The following HNRNPA2B1 variants were observed in gnomAD, a reference collection of about 807,000 sequenced individuals.
HNRNPA2B1 encodes heterogeneous nuclear ribonucleoprotein A2/B1.
In HNRNPA2B1, 3 loss-of-function variants were observed where a neutral mutation model predicts 46.3. That is an observed-to-expected ratio of 0.06 (90% CI 0.03 to 0.17). The LOEUF (loss-of-function observed/expected upper bound fraction) is 0.17, where lower values mean the gene tolerates loss of function less well. HNRNPA2B1 is among the 10% of genes least tolerant of loss of function. The pLI is 1.00. For missense variants in HNRNPA2B1, 221 were observed against 418.9 expected (o/e 0.53, Z 4.12); for synonymous variants, 225 against 133.8 (o/e 1.68, Z -4.70).
At chr7:26,192,721 C>A in intron 9 of HNRNPA2B1, 144 bp from the exon 10 acceptor site, 1 of 696,766 alleles carries the variant, frequency 1.4e-6, no homozygotes, top group Non-Finnish European at 2.5e-6. Flanking sequence ...AGCAGAATTA[C>A]TCAGGAGATA....
intron 6 of HNRNPA2B1, 105 bp downstream of exon 6, chr7:26,196,296 G>A (rs910968755): frequency 4.1e-5 from 38 of 926,014 alleles, no homozygotes; most frequent in Non-Finnish European, 4.9e-5. Flanking sequence ...TGAAGTCTTA[G>A]GAAAATTGAC....
chr7:26,192,473 G>T, intron 10 of HNRNPA2B1, 22 bp downstream of exon 10: 1 of 1,498,058 alleles, frequency 6.7e-7, no homozygotes. Context: ...AATAATAATT[G>T]TAAAACTCAA....
intron 7 of HNRNPA2B1, among the ~76,000 whole-genome samples, chr7:26,194,172 G>A (rs922977492): frequency 1.4e-4 from 22 of 152,098 alleles, no homozygotes; most frequent in Admixed American, 3.9e-4. Flanking sequence ...CGAGGCGGAC[G>A]GATCACGAGG....
chr7:26,197,072 T>A, intron 3 of HNRNPA2B1, 55 bp from the exon 4 acceptor site: 1 of 1,394,932 alleles, frequency 7.2e-7, no homozygotes, highest in Non-Finnish European at 1.0e-6. Context: ...CAAGCATAAT[T>A]CAAAGCACCC....
intron 1 of HNRNPA2B1, chr7:26,198,486 GAATT>G (rs1160851179): frequency 6.6e-6 from 1 of 152,258 alleles, no homozygotes; most frequent in East Asian, 1.9e-4. Flanking sequence ...TACAGAATAT[GAATT>G]ACTCAGCTTA....
chr7:26,200,617 G>A lies in HNRNPA2B1; in HGVS notation c.-40C>T, dbSNP rs1784326134. ...CTTCAGCCCGATTTCCCGCAGCCGA[G>A]CGAGATGAGAGAGATCTCCGCGGAC... On this transcript the variant is annotated 5_prime_UTR_variant, in exon 1 of 11. Coordinates refer to ENST00000618183, the MANE Select transcript of HNRNPA2B1 (RefSeq NM_002137.4). 1.2e-6 allele frequency: 2 copies of A among 1,613,374 alleles called. No homozygotes were observed. The highest frequency in any genetic ancestry group is 1.7e-6 in the Non-Finnish European group (2 of 1,179,924).
rs759333833 is a variant in HNRNPA2B1, at chr7:26,190,274, TTG to T, written c.*2084_*2085del. The T allele has an allele frequency of 8.5e-5, 13 of 152,668 alleles. No individual in the cohort carries two copies. The highest frequency in any genetic ancestry group is 1.8e-4 in the Non-Finnish European group (12 of 68,038). 9.5% of individuals were successfully genotyped at this position (152,668 alleles called of 1,614,324 possible). A position where few individuals can be genotyped will look rare whatever the true frequency, so the allele number is the denominator to read the frequency against. On this transcript the variant is annotated 3_prime_UTR_variant, in exon 11 of 11. Transcript: ENST00000618183. Reference sequence around the variant, plus strand: ...TTTACAAACAACACTCATTTTGTAATTGTTTTATATCAAGAACCTCAACTAAA... The same window carrying T: ...TTTACAAACAACACTCATTTTGTAATTTTTATATCAAGAACCTCAACTAAA...
At chr7:26,193,187 T>C (rs542827009) in intron 9 of HNRNPA2B1, 64 bp downstream of exon 9, 259 of 1,458,638 alleles carry the variant, frequency 1.8e-4, no homozygotes, top group Middle Eastern at 1.3e-3. Flanking sequence ...ATCTTCCCTT[T>C]AAGTCACAAA....
At chr7:26,198,504 A>C (rs192457448) in intron 1 of HNRNPA2B1, 1 of 152,240 alleles carries the variant, frequency 6.6e-6, no homozygotes. Flanking sequence ...CAGCTTAACC[A>C]TATGTACAAT....
At chr7:26,198,123 C>T (rs1783870881) in intron 1 of HNRNPA2B1, 1 of 340,782 alleles carries the variant, frequency 2.9e-6, no homozygotes, top group Non-Finnish European at 5.2e-6. Context: ...AACCCTACAA[C>T]CTAAAAACGC....
rs1782934551 is a variant in HNRNPA2B1, at chr7:26,191,708, C to T, written c.*652G>A. On this transcript the variant is annotated 3_prime_UTR_variant, in exon 11 of 11. Transcript: ENST00000618183. The stretch of plus-strand genomic sequence containing the variant: ...CTTAAGTTATCTACATAATTTAATC[C>T]TGATGAATTGCAGACAACACACTTA... 6.6e-6 allele frequency: 1 copy of T among 152,224 alleles called. No individual in the cohort carries two copies. The highest frequency in any genetic ancestry group is 1.5e-5 in the Non-Finnish European group (1 of 68,012). The allele number at this position is 152,224 out of a possible 1,614,324, so 9.4% of individuals were successfully genotyped here.
At position 26,192,249 on chromosome 7, in the gene HNRNPA2B1, A is replaced by T; in HGVS notation, c.*111T>A. 2 of 421,542 alleles carry T rather than the reference A, an allele frequency of 4.7e-6. No individual in the cohort carries two copies. Among genetic ancestry groups the T allele is most frequent in the Non-Finnish European group, 8.6e-6 (2 of 233,088 alleles). 26.1% of individuals were successfully genotyped at this position (421,542 alleles called of 1,614,324 possible). ...CACTGCATATTTATGCATGACTGAG[A>T]TAAGAGTTTCCTTAACATTGTTATT... On this transcript the variant is annotated 3_prime_UTR_variant, in exon 11 of 11. Transcript: ENST00000618183.
In HNRNPA2B1 at chr7:26,196,787, A is replaced by G. The variant is rs763375635; in HGVS notation, c.475+20T>C. 1.9e-6 allele frequency: 3 copies of G among 1,603,980 alleles called. No individual in the cohort carries two copies. Among genetic ancestry groups the G allele is most frequent in the Non-Finnish European group, 1.7e-6 (2 of 1,171,926 alleles). On this transcript the variant is annotated intron_variant, in intron 4 of 10. Transcript: ENST00000618183. ...TGAATACACTGGAAAAAAACAGTAC[A>G]TTTGTGGTTAGACACTTACATACGA...
chr7:26,195,572 G>A (rs1009734387), intron 7 of HNRNPA2B1: 14 of 369,114 alleles, frequency 3.8e-5, no homozygotes, highest in South Asian at 2.8e-4. Context: ...AGAGAAGCAC[G>A]TACAAAGATA....
intron 2 of HNRNPA2B1, 32 bp downstream of exon 2, chr7:26,197,590 A>G: frequency 6.4e-7 from 1 of 1,571,086 alleles, no homozygotes. Context: ...CTAAAAGACT[A>G]ATATCCAGTA....
chr7:26,197,184 G>A (rs968926869), intron 3 of HNRNPA2B1, 131 bp downstream of exon 3: 4 of 1,214,932 alleles, frequency 3.3e-6, no homozygotes, highest in African/African-American at 1.5e-5. Context: ...TTAAGAAAAT[G>A]GTCCAGAAAC....
intron 7 of HNRNPA2B1, among the ~76,000 whole-genome samples, chr7:26,195,317 G>C (rs1208935878): frequency 6.6e-6 from 1 of 152,152 alleles, no homozygotes; most frequent in African/African-American, 2.4e-5. Flanking sequence ...AAATCTGTCA[G>C]TGTGTATCAG....
intron 1 of HNRNPA2B1, chr7:26,199,963 G>T (rs1042544495): frequency 1.3e-5 from 2 of 153,522 alleles, no homozygotes; most frequent in African/African-American, 4.8e-5. Flanking sequence ...GAGGTGCGCA[G>T]GACTCTAAAG....
rs1037793131 is a variant in HNRNPA2B1, at chr7:26,196,349, ATTTAAAATAAAAGCACACTCATCC to A, written c.658+28_658+51del. On this transcript the variant is annotated intron_variant, in intron 6 of 10. Transcript: ENST00000618183. ...ATTCTACTAATGAAAACCTAATCAT[ATTTAAAATAAAAGCACACTCATCC>A]TTTAAACACGTAGAACTTGAAACTC... The A allele has an allele frequency of 1.6e-5, 23 of 1,420,096 alleles. No individual in the cohort carries two copies. In the African/African-American group the frequency reaches 3.2e-4, roughly 19 times the overall value. 88.0% of individuals were successfully genotyped at this position (1,420,096 alleles called of 1,614,324 possible). A position where few individuals can be genotyped will look rare whatever the true frequency, so the allele number is the denominator to read the frequency against.
Sources: gnomAD v4.1 joint callset for allele counts (sites outside exome capture counted in the v4.1 genomes callset) on GRCh38, gnomAD v4.1.1 for gene constraint, MANE v1.5 for transcripts, NCBI Gene and HGNC (gene_info 2026-07-23, HGNC 2026-07-21) for gene names.